The following ASXL3 variants were observed in gnomAD, a reference collection of about 807,000 sequenced individuals.
ASXL3 encodes the protein putative Polycomb group protein ASXL3.
Under a neutral mutation model 170.6 loss-of-function variants are expected in ASXL3, and 34 were observed. The observed-to-expected ratio is 0.20, with a 90% CI of 0.15 to 0.27. The LOEUF is 0.27. Ranked by LOEUF, ASXL3 falls within the 10% of genes least tolerant of loss-of-function variation. The pLI is 1.00. For synonymous variants in ASXL3, 1,002 were observed against 989.1 expected (o/e 1.01, Z -0.24); for missense variants, 2,592 against 2,695.3 (o/e 0.96, Z 0.85).
intron 8 of ASXL3, among the ~76,000 whole-genome samples, chr18:33,713,895 A>G (rs2067123016): frequency 6.6e-6 from 1 of 152,208 alleles, no homozygotes; most frequent in Non-Finnish European, 1.5e-5. Context: ...ACATTCCTAG[A>G]AAGAAAATTT....
At position 33,749,322 on chromosome 18, in the gene ASXL3, T is replaced by G. The variant is rs192589976; in HGVS notation, c.*2727T>G. The G allele has an allele frequency of 6.6e-6, 1 of 152,150 alleles. No homozygotes were observed. The highest frequency in any genetic ancestry group is 2.4e-5 in the African/African-American group (1 of 41,410). The allele number at this position is 152,150 out of a possible 1,614,324, so 9.4% of individuals were successfully genotyped here. On this transcript the variant is annotated 3_prime_UTR_variant, in exon 12 of 12. Transcript: ENST00000269197. ...GTGTCTGCTATGTGCAAATGTAGTA[T>G]ATTATTTACTACATGGTTATTGTGG...
At chr18:33,701,666 TC>T (rs1405844050) in intron 8 of ASXL3, among the ~76,000 whole-genome samples, 1 of 152,130 alleles carries the variant, frequency 6.6e-6, no homozygotes, top group African/African-American at 2.4e-5. Context: ...CAGAATTTTA[TC>T]CTTGGCTTTC....
At chr18:33,636,380 A>T (rs931200765) in intron 2 of ASXL3, among the ~76,000 whole-genome samples, 2 of 152,170 alleles carry the variant, frequency 1.3e-5, no homozygotes, top group Admixed American at 1.3e-4. Flanking sequence ...AGCCACAGCC[A>T]CAGTGAATGG....
chr18:33,633,736 T>C (rs1270371977), intron 2 of ASXL3, among the ~76,000 whole-genome samples: 1 of 150,964 alleles, frequency 6.6e-6, no homozygotes, highest in Non-Finnish European at 1.5e-5. Flanking sequence ...TCCTGGCTAC[T>C]CGGGAGGCTG....
At chr18:33,580,767 A>C (rs1694150597) in intron 1 of ASXL3, among the ~76,000 whole-genome samples, 2 of 152,218 alleles carry the variant, frequency 1.3e-5, no homozygotes, top group South Asian at 4.1e-4. Flanking sequence ...ATCAACACAA[A>C]AGAACGATAG....
At chr18:33,683,253 C>G (rs1032760889) in intron 7 of ASXL3, among the ~76,000 whole-genome samples, 152 bp from the exon 8 acceptor site, 1 of 152,124 alleles carries the variant, frequency 6.6e-6, no homozygotes, top group Non-Finnish European at 1.5e-5. Context: ...TTGGGAATTT[C>G]TTTTCTGAAA....
chr18:33,618,691 G>C (rs1385530009), intron 2 of ASXL3, among the ~76,000 whole-genome samples: 1 of 152,018 alleles, frequency 6.6e-6, no homozygotes. Context: ...CTGCCTTTGA[G>C]TATTTCAGAC....
At chr18:33,714,645 C>T (rs573039114) in intron 8 of ASXL3, among the ~76,000 whole-genome samples, 1 of 151,978 alleles carries the variant, frequency 6.6e-6, no homozygotes, top group South Asian at 2.1e-4. Flanking sequence ...CACGTTTTCC[C>T]CAACTCAGCT....
chr18:33,687,214 G>A (rs1220597447), intron 8 of ASXL3, among the ~76,000 whole-genome samples: 1 of 152,098 alleles, frequency 6.6e-6, no homozygotes, highest in Admixed American at 6.5e-5. Flanking sequence ...TCTGCTCAAG[G>A]TGGGCTCAAC....
chr18:33,633,614 G>C (rs189245907), intron 2 of ASXL3, among the ~76,000 whole-genome samples: 3 of 151,944 alleles, frequency 2.0e-5, no homozygotes, highest in African/African-American at 4.8e-5. Context: ...GAGGCCAAGG[G>C]GGGTGGATCA....
rs1485031986 is a variant in ASXL3 at position 33,654,007 on chromosome 18, C to T, written c.356-7609C>T. 2.6e-5 allele frequency among the ~76,000 whole-genome samples: 4 copies of T among 151,964 alleles called. No individual in the cohort carries two copies. The East Asian group carries it at 7.7e-4, about 29-fold the overall frequency. On this transcript the variant is annotated intron_variant, in intron 4 of 11. Transcript: ENST00000269197. ...ATCTTTTAGAGACCTCTTTTTCTTA[C>T]ATATTTCCTCTTGAACTGTGAACTT...
chr18:33,603,885 C>T (rs1430917240), intron 1 of ASXL3, among the ~76,000 whole-genome samples: 1 of 152,022 alleles, frequency 6.6e-6, no homozygotes, highest in East Asian at 1.9e-4. Flanking sequence ...AAAAATTGAG[C>T]ACTGTTTCAG....
At chr18:33,740,686 G>C (rs1367417960) in intron 11 of ASXL3, among the ~76,000 whole-genome samples, 2 of 152,144 alleles carry the variant, frequency 1.3e-5, no homozygotes, top group Non-Finnish European at 1.5e-5. Flanking sequence ...AATAGGGCCT[G>C]GAAATGTCTC....
At chr18:33,719,500 T>TTAAC (rs2067222542) in intron 8 of ASXL3, among the ~76,000 whole-genome samples, 1 of 152,080 alleles carries the variant, frequency 6.6e-6, no homozygotes, top group Non-Finnish European at 1.5e-5. Flanking sequence ...TGCCTGCATG[T>TTAAC]TAACTAAAGA....
At chr18:33,690,730 A>G (rs2066673923) in intron 8 of ASXL3, among the ~76,000 whole-genome samples, 1 of 152,092 alleles carries the variant, frequency 6.6e-6, no homozygotes, top group Admixed American at 6.6e-5. Flanking sequence ...TAGATATTTG[A>G]TTATTGCCTT....
chr18:33,691,772 G>C (rs554956113), intron 8 of ASXL3, among the ~76,000 whole-genome samples: 7 of 152,114 alleles, frequency 4.6e-5, no homozygotes, highest in Non-Finnish European at 1.0e-4. Flanking sequence ...TGAAAGGGGA[G>C]GTGTCATTTG....
intron 2 of ASXL3, among the ~76,000 whole-genome samples, chr18:33,639,918 T>A: frequency 6.6e-6 from 1 of 152,180 alleles, no homozygotes; most frequent in East Asian, 1.9e-4. Context: ...ATATTTTTTG[T>A]CTTAATCCTT....
intron 8 of ASXL3, among the ~76,000 whole-genome samples, chr18:33,696,944 A>G (rs1279367219): frequency 2.0e-5 from 3 of 152,186 alleles, no homozygotes; most frequent in Admixed American, 2.0e-4. Context: ...CAGCTAAAGT[A>G]AACATAAACA....
intron 2 of ASXL3, among the ~76,000 whole-genome samples, chr18:33,630,830 C>T (rs2065666023): frequency 6.6e-6 from 1 of 151,852 alleles, no homozygotes; most frequent in Admixed American, 6.6e-5. Flanking sequence ...ATTTTTTCTT[C>T]AACATGTAAT....
Sources: gnomAD v4.1 joint callset for allele counts (sites outside exome capture counted in the v4.1 genomes callset) on GRCh38, gnomAD v4.1.1 for gene constraint, MANE v1.5 for transcripts, NCBI Gene and HGNC (gene_info 2026-07-23, HGNC 2026-07-21) for gene names.